The following CNTNAP5 variants were observed in gnomAD, a reference collection of about 807,000 sequenced individuals.
The protein encoded by CNTNAP5 is contactin associated protein family member 5, also known as contactin-associated protein-like 5.
In CNTNAP5, 72 loss-of-function variants were observed where a neutral mutation model predicts 150.2. The ratio of observed to expected loss-of-function variants is 0.48; its 90% CI spans 0.40 to 0.58. CNTNAP5 has a LOEUF of 0.58. CNTNAP5 is among the 20% of genes least tolerant of loss of function. The pLI, the probability that CNTNAP5 is intolerant of heterozygous loss-of-function variation, is 0.00. For missense variants in CNTNAP5, 1,636 were observed against 1,626.2 expected (o/e 1.01, Z -0.10); for synonymous variants, 672 against 619.8 (o/e 1.08, Z -1.25).
intron 1 of CNTNAP5, among the ~76,000 whole-genome samples, chr2:124,199,656 G>C (rs6738185): frequency 0.79 from 120,644 of 152,014 alleles, 48,031 homozygotes; most frequent in East Asian, 1. Context: ...CTCAGGTGAT[G>C]CACCTGCCTC....
intron 3 of CNTNAP5, among the ~76,000 whole-genome samples, chr2:124,374,866 AG>A (rs1256192005): frequency 6.6e-6 from 1 of 152,078 alleles, no homozygotes; most frequent in Non-Finnish European, 1.5e-5. Flanking sequence ...TACTGAAGAA[AG>A]GTTGAAGGCC....
intron 1 of CNTNAP5, among the ~76,000 whole-genome samples, chr2:124,199,042 T>G (rs1685656263): frequency 6.6e-6 from 1 of 152,222 alleles, no homozygotes. Context: ...CGGCAATTAC[T>G]ACAGATTTCT....
At chr2:124,363,177 C>G (rs913432593) in intron 3 of CNTNAP5, among the ~76,000 whole-genome samples, 1 of 152,180 alleles carries the variant, frequency 6.6e-6, no homozygotes, top group Non-Finnish European at 1.5e-5. Context: ...AACCCCAATT[C>G]CACTGAAAAT....
At chr2:124,388,495 C>T (rs959088285) in intron 3 of CNTNAP5, among the ~76,000 whole-genome samples, 2 of 152,168 alleles carry the variant, frequency 1.3e-5, no homozygotes, top group Non-Finnish European at 2.9e-5. Context: ...AGGGAGCCAG[C>T]CTTAACTTAT....
chr2:124,132,607 A>G (rs1283142413), intron 1 of CNTNAP5, among the ~76,000 whole-genome samples: 8 of 152,214 alleles, frequency 5.3e-5, no homozygotes, highest in Non-Finnish European at 1.2e-4. Flanking sequence ...TATTCAAGCT[A>G]TATAAGCATC....
intron 13 of CNTNAP5, among the ~76,000 whole-genome samples, chr2:124,713,796 C>T (rs530108373): frequency 1.9e-4 from 29 of 152,240 alleles, no homozygotes; most frequent in Non-Finnish European, 8.8e-5. Flanking sequence ...GTGCTAATCG[C>T]CCAATGCCTC....
At chr2:124,695,299 C>T (rs1679383333) in intron 13 of CNTNAP5, among the ~76,000 whole-genome samples, 1 of 152,150 alleles carries the variant, frequency 6.6e-6, no homozygotes, top group African/African-American at 2.4e-5. Flanking sequence ...AGATCACAGA[C>T]ATTTGTGAAA....
chr2:124,559,252 T>C (rs756938474), intron 10 of CNTNAP5, among the ~76,000 whole-genome samples: 37 of 152,328 alleles, frequency 2.4e-4, no homozygotes, highest in South Asian at 1.2e-3. Context: ...TAAAGACTTT[T>C]AACCCTCTGA....
At chr2:124,586,720 A>G (rs75426359) in intron 11 of CNTNAP5, among the ~76,000 whole-genome samples, 2,511 of 152,266 alleles carry the variant, frequency 0.016, 65 homozygotes, top group African/African-American at 0.058. Context: ...TTTCTTTGCT[A>G]TGCATCAAGC....
intron 1 of CNTNAP5, among the ~76,000 whole-genome samples, chr2:124,046,435 A>G (rs200154262): frequency 7.5e-4 from 83 of 110,720 alleles, no homozygotes; most frequent in Non-Finnish European, 8.0e-4. Context: ...AAAAGAGAGA[A>G]AAAAAAAAAA....
At chr2:124,724,084 G>T (rs1475586211) in intron 13 of CNTNAP5, among the ~76,000 whole-genome samples, 1 of 151,772 alleles carries the variant, frequency 6.6e-6, no homozygotes, top group African/African-American at 2.4e-5. Flanking sequence ...GGTGGAGGTT[G>T]CAGTGAGCTG....
At chr2:124,709,348 G>A (rs988487188) in intron 13 of CNTNAP5, among the ~76,000 whole-genome samples, 1 of 151,930 alleles carries the variant, frequency 6.6e-6, no homozygotes, top group Non-Finnish European at 1.5e-5. Flanking sequence ...GACCCATCTT[G>A]TCTAAGCAAT....
At chr2:124,606,634 C>G (rs911216020) in intron 11 of CNTNAP5, among the ~76,000 whole-genome samples, 3 of 152,228 alleles carry the variant, frequency 2.0e-5, no homozygotes, top group African/African-American at 7.2e-5. Flanking sequence ...ATTGGACTCA[C>G]AGTTCCCCAT....
chr2:124,248,121 G>A (rs1687076307), intron 3 of CNTNAP5, among the ~76,000 whole-genome samples: 1 of 152,152 alleles, frequency 6.6e-6, no homozygotes, highest in Admixed American at 6.6e-5. Flanking sequence ...AAAGTATAGA[G>A]GGAAATGCAG....
rs115834195 is a variant in CNTNAP5 at position 124,638,957 on chromosome 2, G to A, written c.1877-8801G>A. Among the ~76,000 whole-genome samples the A allele has an allele frequency of 4.5e-3, 677 of 152,070 alleles. 5 individuals are homozygous for A. The highest frequency in any genetic ancestry group is 0.015 in the African/African-American group (607 of 41,494). Reference sequence around the variant, plus strand: ...GTATTTAATTTTTTTCCAATATTCCGCTATTTGCAATATATAACCTCGGCT... The same window carrying A: ...GTATTTAATTTTTTTCCAATATTCCACTATTTGCAATATATAACCTCGGCT... On this transcript the variant is annotated intron_variant, in intron 12 of 23. Coordinates refer to ENST00000682447, the MANE Select transcript of CNTNAP5 (RefSeq NM_001367498.1).
intron 13 of CNTNAP5, among the ~76,000 whole-genome samples, chr2:124,679,326 G>A (rs1168072019): frequency 1.3e-5 from 2 of 151,830 alleles, no homozygotes. Flanking sequence ...GGAGGATCTG[G>A]CTATGCCTCC....
At chr2:124,678,080 C>A (rs887298325) in intron 13 of CNTNAP5, among the ~76,000 whole-genome samples, 1 of 151,794 alleles carries the variant, frequency 6.6e-6, no homozygotes, top group African/African-American at 2.4e-5. Context: ...CTTACATCCC[C>A]ATCTTTGTTC....
intron 6 of CNTNAP5, among the ~76,000 whole-genome samples, chr2:124,473,519 G>A (rs1285099812): frequency 6.6e-6 from 1 of 151,960 alleles, no homozygotes; most frequent in East Asian, 1.9e-4. Flanking sequence ...CTAGTGTGAA[G>A]CTTGTAAAAA....
chr2:124,761,973 C>A (rs922140856), intron 14 of CNTNAP5, among the ~76,000 whole-genome samples: 1 of 152,002 alleles, frequency 6.6e-6, no homozygotes, highest in East Asian at 1.9e-4. Context: ...CCATTTTCAC[C>A]TTGAAAATGG....
Sources: allele counts gnomAD v4.1 joint callset (sites outside exome capture counted in the v4.1 genomes callset), GRCh38; gene constraint gnomAD v4.1.1; transcripts MANE v1.5; gene names NCBI Gene and HGNC (gene_info 2026-07-23, HGNC 2026-07-21).